EYA4: variants seen among roughly 807,000 people sequenced by gnomAD.
EYA4 encodes protein phosphatase EYA4.
In EYA4, 31 loss-of-function variants were observed where a neutral mutation model predicts 87.9. The observed-to-expected ratio is 0.35, with a 90% CI of 0.27 to 0.48. The LOEUF is 0.48. Ranked by LOEUF, EYA4 falls within the 20% of genes least tolerant of loss-of-function variation. EYA4 has a pLI of 0.99. For synonymous variants in EYA4, 263 were observed against 270.6 expected (o/e 0.97, Z 0.28); for missense variants, 678 against 761.4 (o/e 0.89, Z 1.29).
chr6:133,421,675 A>G (rs1490493284), intron 3 of EYA4, among the ~76,000 whole-genome samples: 4 of 152,186 alleles, frequency 2.6e-5, no homozygotes, highest in South Asian at 2.1e-4. Flanking sequence ...ATGGTTTTCT[A>G]TTGTTTTGCT....
intron 2 of EYA4, among the ~76,000 whole-genome samples, chr6:133,337,460 T>G (rs1782455508): frequency 6.6e-6 from 1 of 152,158 alleles, no homozygotes. Context: ...AATGTTGGTG[T>G]CAGACACAGA....
Position 133,250,199 on chromosome 6 carries a change from G to C in EYA4, c.-66+8450G>C, listed in dbSNP as rs182490528. 2.0e-5 allele frequency among the ~76,000 whole-genome samples: 3 copies of C among 152,282 alleles called. No individual in the cohort carries two copies. In the East Asian group the frequency reaches 5.8e-4, roughly 29 times the overall value. On this transcript the variant is annotated intron_variant, in intron 1 of 19. Coordinates refer to ENST00000355286, the MANE Select transcript of EYA4 (RefSeq NM_004100.5). ...AGGCTTAGGTTATATGTATGTATAC[G>C]TGAATGTAGAAATGTGTTTATTTCT...
rs115584088 is a variant in EYA4 at position 133,284,158 on chromosome 6, A to G, written c.33+9345A>G. ...ATATGAAGATCAAACAATTTTAAATATTATGGATTTGAGTGAGAAATTTAA... is the reference window on the plus strand; with the variant it reads ...ATATGAAGATCAAACAATTTTAAATGTTATGGATTTGAGTGAGAAATTTAA... On this transcript the variant is annotated intron_variant, in intron 2 of 19. Coordinates refer to ENST00000355286, the MANE Select transcript of EYA4 (RefSeq NM_004100.5). Among the ~76,000 whole-genome samples the G allele has an allele frequency of 7.0e-3, 1,070 of 152,352 alleles. 6 individuals carry two copies. The highest frequency in any genetic ancestry group is 0.021 in the African/African-American group (877 of 41,592).
Position 133,394,325 on chromosome 6 carries a change from C to T in EYA4, c.83+11884C>T, listed in dbSNP as rs184315008. On this transcript the variant is annotated intron_variant, in intron 3 of 19. Transcript: ENST00000355286. ...TTTTTTTTTTTTTTTTTTTGGTCAT[C>T]GAATGATTTAATCCACTCTTAAAAT... 2.1e-3 allele frequency among the ~76,000 whole-genome samples: 200 copies of T among 96,232 alleles called. 1 individual carries two copies. The highest frequency in any genetic ancestry group is 0.013 in the African/African-American group (190 of 15,012). The allele number at this position is 96,232 out of a possible 152,430, so 63.1% of individuals were successfully genotyped here.
At chr6:133,253,650 A>AAATAATAAT (rs146660359) in intron 1 of EYA4, among the ~76,000 whole-genome samples, 144 of 151,724 alleles carry the variant, frequency 9.5e-4, no homozygotes, top group African/African-American at 3.5e-3. Context: ...TACCTGGACA[A>AAATAATAAT]AATAATAATA....
intron 11 of EYA4, among the ~76,000 whole-genome samples, chr6:133,476,754 T>TTGA (rs1349615749): frequency 8.5e-5 from 13 of 152,156 alleles, no homozygotes; most frequent in African/African-American, 3.1e-4. Flanking sequence ...TTCATTTCCT[T>TTGA]TGATATATAC....
At chr6:133,404,503 A>G (rs913222933) in intron 3 of EYA4, among the ~76,000 whole-genome samples, 2 of 150,948 alleles carry the variant, frequency 1.3e-5, no homozygotes, top group Non-Finnish European at 3.0e-5. Flanking sequence ...TTTTTTTCGT[A>G]TTACAAATTT....
At chr6:133,259,439 G>C (rs1158062126) in intron 1 of EYA4, among the ~76,000 whole-genome samples, 2 of 152,160 alleles carry the variant, frequency 1.3e-5, no homozygotes, top group Non-Finnish European at 2.9e-5. Flanking sequence ...TGGATTTTTA[G>C]AAGCTATAAG....
intron 2 of EYA4, among the ~76,000 whole-genome samples, chr6:133,347,059 G>C (rs999965238): frequency 5.3e-5 from 8 of 152,308 alleles, no homozygotes; most frequent in African/African-American, 1.9e-4. Context: ...GGTCAAAAAA[G>C]AACATGGCAA....
chr6:133,448,725 A>G lies in EYA4; in HGVS notation c.277+546A>G, dbSNP rs768568466. ...TATACATTTAAAACTAGAAATTAAT[A>G]TTGGCTTTTAAATTTTTTTGAACTA... On this transcript the variant is annotated intron_variant, in intron 5 of 19. Transcript: ENST00000355286. Among the ~76,000 whole-genome samples the G allele has an allele frequency of 9.8e-5, 15 of 152,324 alleles. 1 individual carries two copies. The Middle Eastern group carries it at 0.014, about 138-fold the overall frequency.
chr6:133,457,336 A>T (rs569429530), intron 6 of EYA4, among the ~76,000 whole-genome samples: 27 of 152,274 alleles, frequency 1.8e-4, no homozygotes, highest in African/African-American at 5.8e-4. Flanking sequence ...TCGGCTTTTT[A>T]TCTGGTGAAA....
chr6:133,514,132 G>A (rs1799395257), intron 16 of EYA4, among the ~76,000 whole-genome samples: 1 of 152,070 alleles, frequency 6.6e-6, no homozygotes, highest in Non-Finnish European at 1.5e-5. Context: ...AGCAACAAAA[G>A]GGAGCTTAGA....
At chr6:133,284,374 A>G (rs1477265491) in intron 2 of EYA4, among the ~76,000 whole-genome samples, 1 of 152,138 alleles carries the variant, frequency 6.6e-6, no homozygotes, top group Non-Finnish European at 1.5e-5. Context: ...GGGTTTTGCA[A>G]CATTGGCTAG....
intron 2 of EYA4, among the ~76,000 whole-genome samples, chr6:133,330,776 C>T (rs192749221): frequency 2.1e-4 from 32 of 151,762 alleles, no homozygotes; most frequent in Non-Finnish European, 4.1e-4. Flanking sequence ...CTCTAAAAGT[C>T]TGGTTTGGTG....
intron 1 of EYA4, among the ~76,000 whole-genome samples, chr6:133,272,555 C>T (rs1352215843): frequency 6.6e-6 from 1 of 152,148 alleles, no homozygotes; most frequent in Non-Finnish European, 1.5e-5. Flanking sequence ...CCACCAAAGC[C>T]CAGTAATGGG....
intron 1 of EYA4, among the ~76,000 whole-genome samples, chr6:133,250,135 G>T (rs1337689632): frequency 1.3e-5 from 2 of 152,168 alleles, no homozygotes; most frequent in African/African-American, 4.8e-5. Flanking sequence ...ACCTCAGGGA[G>T]TTTTGGTATA....
At chr6:133,246,180 A>G (rs1034043802) in intron 1 of EYA4, among the ~76,000 whole-genome samples, 3 of 152,202 alleles carry the variant, frequency 2.0e-5, no homozygotes, top group Admixed American at 1.3e-4. Context: ...ATCTTAGGGT[A>G]CTGACACAAT....
Position 133,298,062 on chromosome 6 carries a change from C to A in EYA4, c.33+23249C>A, listed in dbSNP as rs116079759. Among the ~76,000 whole-genome samples the A allele has an allele frequency of 9.9e-3, 1,500 of 152,216 alleles. 27 individuals carry two copies. The highest frequency in any genetic ancestry group is 0.034 in the African/African-American group (1,431 of 41,518). ...TGTAAAGAAAAGAGTTTTTCCCCAG[C>A]ATCTCTTTACTTTTTTCTTGTCTTG... is the stretch of plus-strand genomic sequence containing the variant. On this transcript the variant is annotated intron_variant, in intron 2 of 19. Coordinates refer to ENST00000355286, the MANE Select transcript of EYA4 (RefSeq NM_004100.5).
At chr6:133,346,553 C>T (rs1286674271) in intron 2 of EYA4, among the ~76,000 whole-genome samples, 2 of 152,146 alleles carry the variant, frequency 1.3e-5, no homozygotes, top group African/African-American at 4.8e-5. Context: ...TTCTACAAGT[C>T]TTTTATTTGT....
Sources: allele counts gnomAD v4.1 joint callset (sites outside exome capture counted in the v4.1 genomes callset), GRCh38; gene constraint gnomAD v4.1.1; transcripts MANE v1.5; gene names NCBI Gene and HGNC (gene_info 2026-07-23, HGNC 2026-07-21).